KCNMB2: variants seen among roughly 807,000 people sequenced by gnomAD.
The protein encoded by KCNMB2 is calcium-activated potassium channel subunit beta-2.
In KCNMB2, 9 loss-of-function variants were observed where a neutral mutation model predicts 24.5. The observed-to-expected ratio is 0.37, with a 90% confidence interval of 0.22 to 0.64. The LOEUF is 0.64. Ranked by LOEUF, KCNMB2 falls within the 30% of genes least tolerant of loss-of-function variation. KCNMB2 has a pLI of 0.63. For synonymous variants in KCNMB2, 109 were observed against 104.4 expected, an observed-to-expected ratio of 1.04 and a Z score of -0.27; for missense variants, 226 against 284.3, an observed-to-expected ratio of 0.79 and a Z score of 1.47.
chr3:178,784,668 T>C (rs6790795), intron 1 of KCNMB2, among the ~76,000 whole-genome samples: 3 of 152,094 alleles, frequency 2.0e-5, no homozygotes, highest in Non-Finnish European at 2.9e-5. Context: ...ACCTGGTTTT[T>C]CTTTGACCTG....
In KCNMB2 at chr3:178,804,848, A is replaced by G. The variant is rs139984257; in HGVS notation, c.-67-2495A>G. ...AATCAGAGGATTCCACCAGAGTCCA[A>G]GTTGAAATAACTTCTTGAAAGTTTA... is the stretch of plus-strand genomic sequence containing the variant. On this transcript the variant is annotated intron_variant, in intron 1 of 4. Coordinates refer to ENST00000452583, the MANE Select transcript of KCNMB2 (RefSeq NM_181361.3). Among the ~76,000 whole-genome samples, 502 of 152,368 alleles carry G rather than the reference A, an allele frequency of 3.3e-3. 2 individuals carry two copies. The highest frequency in any genetic ancestry group is 0.012 in the African/African-American group (485 of 41,596).
chr3:178,762,157 C>G (rs925353546), intron 1 of KCNMB2, among the ~76,000 whole-genome samples: 2 of 151,674 alleles, frequency 1.3e-5, no homozygotes, highest in Non-Finnish European at 1.5e-5. Context: ...GGCGACAGAG[C>G]GAGACTCCGT....
chr3:178,715,589 T>C (rs1722594217), intron 1 of KCNMB2, among the ~76,000 whole-genome samples: 1 of 152,168 alleles, frequency 6.6e-6, no homozygotes, highest in African/African-American at 2.4e-5. Flanking sequence ...AGGCTGCTTT[T>C]CTGGTTTCTG....
chr3:178,565,706 A>T (rs993660828), intron 1 of KCNMB2, among the ~76,000 whole-genome samples: 1 of 152,170 alleles, frequency 6.6e-6, no homozygotes, highest in Non-Finnish European at 1.5e-5. Context: ...TTCTCTACCA[A>T]TGCATTTATA....
intron 1 of KCNMB2, among the ~76,000 whole-genome samples, chr3:178,763,015 G>T (rs529993814): frequency 6.6e-6 from 1 of 152,166 alleles, no homozygotes; most frequent in South Asian, 2.1e-4. Flanking sequence ...TGGGAGTCTT[G>T]GAAGTCACTT....
At position 178,568,842 on chromosome 3, in the gene KCNMB2, TAGATA is replaced by T. The variant is rs1307217002; in HGVS notation, c.-68+32132_-68+32136del. ...AATAGATAGATAGATGATAGATAGA[TAGATA>T]GATAGATGATAGATAGATAGATAGA... On this transcript the variant is annotated intron_variant, in intron 1 of 4. Coordinates refer to ENST00000452583, the MANE Select transcript of KCNMB2 (RefSeq NM_181361.3). Among the ~76,000 whole-genome samples the T allele has an allele frequency of 8.2e-4, 104 of 126,154 alleles. 1 individual carries two copies. The highest frequency in any genetic ancestry group is 3.3e-3 in the African/African-American group (100 of 30,748). The allele number at this position is 126,154 out of a possible 152,430, so 82.8% of individuals were successfully genotyped here. A position where few individuals can be genotyped will look rare whatever the true frequency, so the allele number is the denominator to read the frequency against.
At chr3:178,837,498 G>A (rs1421369121) in intron 4 of KCNMB2, among the ~76,000 whole-genome samples, 1 of 152,128 alleles carries the variant, frequency 6.6e-6, no homozygotes, top group Non-Finnish European at 1.5e-5. Flanking sequence ...AATAATAAAA[G>A]TACATGACTG....
chr3:178,585,732 T>C (rs1014248299), intron 1 of KCNMB2, among the ~76,000 whole-genome samples: 6 of 152,234 alleles, frequency 3.9e-5, no homozygotes, highest in African/African-American at 1.4e-4. Flanking sequence ...TGAGTAGTTT[T>C]GCATTTTTAT....
At chr3:178,827,485 TAAA>T (rs1219825064) in intron 3 of KCNMB2, among the ~76,000 whole-genome samples, 5 of 152,206 alleles carry the variant, frequency 3.3e-5, no homozygotes. Flanking sequence ...CACTCACTTT[TAAA>T]AAGAAATTAC....
intron 1 of KCNMB2, among the ~76,000 whole-genome samples, chr3:178,720,384 T>G (rs1490042044): frequency 7.2e-6 from 1 of 139,798 alleles, no homozygotes; most frequent in Non-Finnish European, 1.5e-5. Context: ...CTATCATTGT[T>G]GGACATTTGG....
At chr3:178,779,819 C>G (rs951300075) in intron 1 of KCNMB2, among the ~76,000 whole-genome samples, 2 of 152,042 alleles carry the variant, frequency 1.3e-5, no homozygotes, top group African/African-American at 4.8e-5. Flanking sequence ...TACATTAACC[C>G]ATTATGAGTT....
intron 1 of KCNMB2, among the ~76,000 whole-genome samples, chr3:178,668,623 G>A (rs937884168): frequency 2.6e-5 from 4 of 152,066 alleles, no homozygotes; most frequent in African/African-American, 9.7e-5. Flanking sequence ...CTAAAGTTAC[G>A]GATCTGTGCA....
chr3:178,579,733 C>T (rs960117048), intron 1 of KCNMB2, among the ~76,000 whole-genome samples: 1 of 152,118 alleles, frequency 6.6e-6, no homozygotes, highest in African/African-American at 2.4e-5. Flanking sequence ...TCAGAGAACA[C>T]TATAAACACC....
chr3:178,617,847 C>T (rs913158484), intron 1 of KCNMB2, among the ~76,000 whole-genome samples: 2 of 145,410 alleles, frequency 1.4e-5, no homozygotes, highest in East Asian at 2.0e-4. Flanking sequence ...GCCAAGATCA[C>T]GCCACTGCAC....
chr3:178,840,661 C>T (rs573069896), intron 4 of KCNMB2, among the ~76,000 whole-genome samples: 153 of 152,380 alleles, frequency 1.0e-3, no homozygotes, highest in Non-Finnish European at 1.9e-3. Flanking sequence ...GGCTTGCACC[C>T]TCTGAAGCAA....
intron 1 of KCNMB2, among the ~76,000 whole-genome samples, chr3:178,778,572 G>A (rs1292101158): frequency 6.6e-6 from 1 of 151,984 alleles, no homozygotes; most frequent in African/African-American, 2.4e-5. Flanking sequence ...GGAGAAGCCA[G>A]TGTACCATTC....
chr3:178,744,042 A>G (rs1041824329), intron 1 of KCNMB2, among the ~76,000 whole-genome samples: 1 of 152,252 alleles, frequency 6.6e-6, no homozygotes, highest in African/African-American at 2.4e-5. Flanking sequence ...ATGGTTTGCT[A>G]TAGCGATAGA....
chr3:178,736,451 C>T (rs2108372528), intron 1 of KCNMB2, among the ~76,000 whole-genome samples: 1 of 152,334 alleles, frequency 6.6e-6, no homozygotes, highest in Middle Eastern at 3.4e-3. Flanking sequence ...AGACTGTGCT[C>T]TCCTTTCCAG....
chr3:178,723,092 T>C (rs561435302), intron 1 of KCNMB2, among the ~76,000 whole-genome samples: 5 of 152,218 alleles, frequency 3.3e-5, no homozygotes, highest in Non-Finnish European at 5.9e-5. Flanking sequence ...TGTCTATCCC[T>C]ACCACATTGT....
Sources: allele counts gnomAD v4.1 joint callset (sites outside exome capture counted in the v4.1 genomes callset), GRCh38; gene constraint gnomAD v4.1.1; transcripts MANE v1.5; gene names NCBI Gene and HGNC (gene_info 2026-07-23, HGNC 2026-07-21).